The following EXOC6B variants were observed in gnomAD, a reference collection of about 807,000 sequenced individuals.
EXOC6B encodes SEC15 homolog B.
Under a neutral mutation model 113.5 loss-of-function variants are expected in EXOC6B, and 54 were observed. The ratio of observed to expected loss-of-function variants is 0.48; its 90% confidence interval spans 0.38 to 0.60. The LOEUF (loss-of-function observed/expected upper bound fraction) is 0.60. EXOC6B is among the 20% of genes least tolerant of loss of function. EXOC6B has a pLI of 0.00. For synonymous variants in EXOC6B, 357 were observed against 339.0 expected (o/e 1.05, Z -0.58); for missense variants, 797 against 977.5 (o/e 0.82, Z 2.46).
chr2:72,506,497 T>C (rs899343287), intron 11 of EXOC6B, among the ~76,000 whole-genome samples: 2 of 152,152 alleles, frequency 1.3e-5, no homozygotes, highest in African/African-American at 4.8e-5. Flanking sequence ...AAAGGCAGCT[T>C]GAGTGTTTAA....
chr2:72,668,455 A>G (rs1450171611), intron 6 of EXOC6B, among the ~76,000 whole-genome samples: 1 of 152,100 alleles, frequency 6.6e-6, no homozygotes, highest in Non-Finnish European at 1.5e-5. Flanking sequence ...CCAAAAAAAA[A>G]AAATGCAACC....
chr2:72,561,181 T>C (rs1383090656), intron 7 of EXOC6B, among the ~76,000 whole-genome samples: 2 of 151,934 alleles, frequency 1.3e-5, no homozygotes, highest in African/African-American at 2.4e-5. Flanking sequence ...TCTTTTATCT[T>C]GCCAAAAAAC....
At chr2:72,530,337 T>C (rs1050674266) in intron 8 of EXOC6B, among the ~76,000 whole-genome samples, 3 of 152,220 alleles carry the variant, frequency 2.0e-5, no homozygotes, top group Non-Finnish European at 4.4e-5. Flanking sequence ...TACAATTTTA[T>C]TTCCTTTGAG....
chr2:72,584,737 A>G (rs957572412), intron 6 of EXOC6B, among the ~76,000 whole-genome samples: 5 of 152,240 alleles, frequency 3.3e-5, no homozygotes, highest in African/African-American at 1.2e-4. Context: ...ACATACTCCA[A>G]GATTGATCAC....
intron 6 of EXOC6B, among the ~76,000 whole-genome samples, chr2:72,591,417 T>G (rs746613894): frequency 6.6e-6 from 1 of 152,110 alleles, no homozygotes; most frequent in East Asian, 1.9e-4. Flanking sequence ...TAAGAAACCA[T>G]TTATAATAAC....
chr2:72,209,304 C>G (rs973916952), intron 20 of EXOC6B, among the ~76,000 whole-genome samples: 3 of 151,226 alleles, frequency 2.0e-5, no homozygotes, highest in African/African-American at 7.3e-5. Context: ...AGTTGTCTCT[C>G]CCTTCATTAA....
intron 7 of EXOC6B, among the ~76,000 whole-genome samples, chr2:72,574,179 C>T (rs1322472453): frequency 1.3e-5 from 2 of 151,212 alleles, no homozygotes; most frequent in East Asian, 3.9e-4. Context: ...AACTTAAATG[C>T]TAAGGTTGTA....
chr2:72,298,887 C>G (rs1304972618), intron 20 of EXOC6B, among the ~76,000 whole-genome samples: 1 of 152,112 alleles, frequency 6.6e-6, no homozygotes, highest in Non-Finnish European at 1.5e-5. Context: ...TTGTGGGTAA[C>G]CTGATTGTTC....
At chr2:72,798,031 T>C (rs942495399) in intron 1 of EXOC6B, among the ~76,000 whole-genome samples, 1 of 152,094 alleles carries the variant, frequency 6.6e-6, no homozygotes, top group Non-Finnish European at 1.5e-5. Context: ...ATTCTTCAAG[T>C]TAAGAATTTG....
At chr2:72,562,247 G>T (rs1703930410) in intron 7 of EXOC6B, among the ~76,000 whole-genome samples, 1 of 152,084 alleles carries the variant, frequency 6.6e-6, no homozygotes, top group Non-Finnish European at 1.5e-5. Context: ...GTGAAGGAAT[G>T]CTACAGGTTT....
chr2:72,403,737 A>T (rs751671857), intron 18 of EXOC6B, among the ~76,000 whole-genome samples: 26 of 152,168 alleles, frequency 1.7e-4, no homozygotes, highest in Non-Finnish European at 3.2e-4. Flanking sequence ...AATAGAGCCA[A>T]GATGGCCAAA....
intron 19 of EXOC6B, among the ~76,000 whole-genome samples, chr2:72,343,783 A>AT (rs1558575477): frequency 6.6e-6 from 1 of 152,086 alleles, no homozygotes; most frequent in Non-Finnish European, 1.5e-5. Context: ...TTCTTCTAGT[A>AT]TTTTGAATAT....
At chr2:72,360,284 C>T (rs1167515865) in intron 19 of EXOC6B, among the ~76,000 whole-genome samples, 1 of 151,728 alleles carries the variant, frequency 6.6e-6, no homozygotes, top group Non-Finnish European at 1.5e-5. Context: ...GACAGGGTCT[C>T]ATCATGTTGG....
intron 7 of EXOC6B, among the ~76,000 whole-genome samples, chr2:72,572,691 G>A (rs915565077): frequency 1.3e-5 from 2 of 152,188 alleles, no homozygotes; most frequent in African/African-American, 4.8e-5. Context: ...GAACGTCACA[G>A]TGGGTCACGA....
chr2:72,723,878 T>C (rs1238462049), intron 5 of EXOC6B, among the ~76,000 whole-genome samples: 1 of 151,882 alleles, frequency 6.6e-6, no homozygotes, highest in Non-Finnish European at 1.5e-5. Context: ...TCAGGCAACA[T>C]AGAACTGCTA....
chr2:72,465,754 A>G (rs549145867), intron 17 of EXOC6B, among the ~76,000 whole-genome samples: 165 of 152,336 alleles, frequency 1.1e-3, no homozygotes, highest in African/African-American at 3.9e-3. Context: ...ACTTGTGCAG[A>G]GTAAGTTATG....
chr2:72,824,346 A>T (rs1018046866), intron 1 of EXOC6B, among the ~76,000 whole-genome samples: 3 of 152,194 alleles, frequency 2.0e-5, no homozygotes, highest in African/African-American at 7.2e-5. Context: ...CGATCACATC[A>T]CTGCACTGCA....
At chr2:72,454,258 C>T (rs933983195) in intron 18 of EXOC6B, among the ~76,000 whole-genome samples, 3 of 152,208 alleles carry the variant, frequency 2.0e-5, no homozygotes, top group African/African-American at 7.2e-5. Flanking sequence ...AATCCTAGCA[C>T]TGCGGGAGGC....
At chr2:72,295,523 C>T (rs552722461) in intron 20 of EXOC6B, among the ~76,000 whole-genome samples, 1 of 152,154 alleles carries the variant, frequency 6.6e-6, no homozygotes, top group Admixed American at 6.5e-5. Context: ...TTTTCTGTTG[C>T]AAGTACTGAA....
Sources: allele counts gnomAD v4.1 joint callset (sites outside exome capture counted in the v4.1 genomes callset), GRCh38; gene constraint gnomAD v4.1.1; transcripts MANE v1.5; gene names NCBI Gene and HGNC (gene_info 2026-07-23, HGNC 2026-07-21).